LRP1B: variants seen among roughly 807,000 people sequenced by gnomAD.
The protein encoded by LRP1B is low-density lipoprotein receptor-related protein 1B.
A neutral mutation model predicts 556.6 loss-of-function variants in LRP1B; 217 were observed. The observed-to-expected ratio is 0.39, with a 90% CI of 0.35 to 0.44. The LOEUF (loss-of-function observed/expected upper bound fraction) is 0.44. Among genes scored for constraint, LRP1B ranks in the 20% least tolerant of loss-of-function variants. The probability of loss-of-function intolerance (pLI) is 1.00; values close to 1 mark genes in which losing one functional copy is unlikely to be tolerated. For missense variants in LRP1B, 5,053 were observed against 5,620.8 expected (o/e 0.90, Z 3.23); for synonymous variants, 2,047 against 1,865.8 (o/e 1.10, Z -2.50).
rs1686669954 is a variant in LRP1B at position 140,702,198 on chromosome 2, C to A, written c.6245G>T (p.Ser2082Ile). 1 of 1,613,758 alleles carries A rather than the reference C, an allele frequency of 6.2e-7. No individual in the cohort carries two copies. The highest frequency in any genetic ancestry group is 8.5e-7 in the Non-Finnish European group (1 of 1,179,790). ...TGCAACTGAAAACATATCCACATTG[C>A]TTCCTGACAGCACCATCTCGCGATT... ...GGNREMVLSG[S>I]NVDMFSVAVF... The change falls in exon 39 of 91, where the codon AGC (serine) becomes ATC (isoleucine). Residue 2082 changes from serine to isoleucine, a missense_variant. By Grantham distance (142) the Ser-to-Ile change is moderately radical (BLOSUM62 -2). This residue lies in a region of LRP1B where 3,619 missense variants were observed against 3,931.9 expected (regional missense o/e 0.92). Coordinates refer to ENST00000389484, the MANE Select transcript of LRP1B (RefSeq NM_018557.3).
intron 2 of LRP1B, among the ~76,000 whole-genome samples, chr2:141,683,636 A>G (rs985967699): frequency 3.9e-5 from 6 of 152,124 alleles, no homozygotes; most frequent in Non-Finnish European, 7.4e-5. Flanking sequence ...TGCCTATTGT[A>G]AAATGCAAAA....
chr2:140,735,471 C>T (rs1001768421), intron 35 of LRP1B, among the ~76,000 whole-genome samples: 7 of 152,246 alleles, frequency 4.6e-5, no homozygotes, highest in African/African-American at 7.2e-5. Flanking sequence ...AGCAAACAGA[C>T]GCTCTAATTG....
intron 1 of LRP1B, among the ~76,000 whole-genome samples, chr2:141,835,782 A>C (rs1697255948): frequency 6.6e-6 from 1 of 151,562 alleles, no homozygotes; most frequent in African/African-American, 2.4e-5. Flanking sequence ...ACATGGCTAT[A>C]AAGTGGTAAG....
At chr2:141,382,793 G>C (rs768283313) in intron 3 of LRP1B, among the ~76,000 whole-genome samples, 8 of 152,188 alleles carry the variant, frequency 5.3e-5, no homozygotes, top group Non-Finnish European at 1.0e-4. Context: ...TTTGGAGAAA[G>C]CTCTTTGACA....
intron 7 of LRP1B, among the ~76,000 whole-genome samples, chr2:141,096,109 C>T (rs1700292147): frequency 6.6e-6 from 1 of 151,992 alleles, no homozygotes; most frequent in Non-Finnish European, 1.5e-5. Context: ...AGACTTGGAT[C>T]TTGAACGCTA....
At chr2:141,959,359 T>C (rs918591617) in intron 1 of LRP1B, among the ~76,000 whole-genome samples, 2 of 151,982 alleles carry the variant, frequency 1.3e-5, no homozygotes, top group Non-Finnish European at 2.9e-5. Flanking sequence ...AATACTAATA[T>C]TGTCACATAC....
At chr2:141,840,087 T>C (rs1036869551) in intron 1 of LRP1B, among the ~76,000 whole-genome samples, 2 of 152,096 alleles carry the variant, frequency 1.3e-5, no homozygotes, top group Non-Finnish European at 2.9e-5. Context: ...TTTTATTTAA[T>C]GAGTGAATAC....
At chr2:140,271,447 C>G (rs1682456141) in intron 85 of LRP1B, among the ~76,000 whole-genome samples, 1 of 151,870 alleles carries the variant, frequency 6.6e-6, no homozygotes, top group Non-Finnish European at 1.5e-5. Context: ...TAGGGTGATT[C>G]CTAATGATAG....
At chr2:140,697,798 A>G (rs1032655309) in intron 41 of LRP1B, among the ~76,000 whole-genome samples, 50 of 152,052 alleles carry the variant, frequency 3.3e-4, no homozygotes, top group Non-Finnish European at 2.4e-4. Flanking sequence ...ATGGGGAGAT[A>G]TTGCCTTACA....
At chr2:141,351,801 T>C (rs1226626229) in intron 3 of LRP1B, among the ~76,000 whole-genome samples, 1 of 151,822 alleles carries the variant, frequency 6.6e-6, no homozygotes, top group Non-Finnish European at 1.5e-5. Flanking sequence ...ATAGGGATGA[T>C]TAGAAGATGT....
intron 41 of LRP1B, among the ~76,000 whole-genome samples, chr2:140,609,141 C>T (rs906989803): frequency 3.3e-5 from 5 of 152,104 alleles, no homozygotes; most frequent in African/African-American, 9.7e-5. Flanking sequence ...GCATGAACTC[C>T]GCGGTGCCTG....
chr2:140,266,658 G>GT (rs1356178434), intron 86 of LRP1B, among the ~76,000 whole-genome samples: 1 of 151,610 alleles, frequency 6.6e-6, no homozygotes, highest in African/African-American at 2.4e-5. Context: ...TGATTGTGCT[G>GT]TACCCTCTTT....
At chr2:141,899,094 A>G (rs908740108) in intron 1 of LRP1B, among the ~76,000 whole-genome samples, 3 of 152,146 alleles carry the variant, frequency 2.0e-5, no homozygotes, top group African/African-American at 7.2e-5. Flanking sequence ...AACAATATTG[A>G]TGCTAAGTTG....
chr2:141,040,959 A>G (rs1698680451), intron 11 of LRP1B, among the ~76,000 whole-genome samples: 1 of 152,140 alleles, frequency 6.6e-6, no homozygotes, highest in Non-Finnish European at 1.5e-5. Context: ...TCATAATGTC[A>G]TAAAAGAGAA....
At chr2:141,587,100 A>C in intron 2 of LRP1B, among the ~76,000 whole-genome samples, 1 of 152,318 alleles carries the variant, frequency 6.6e-6, no homozygotes, top group Admixed American at 6.5e-5. Flanking sequence ...ATTGGAAAAA[A>C]GTAATGAGAA....
At chr2:140,872,647 G>A (rs778109107) in intron 25 of LRP1B, among the ~76,000 whole-genome samples, 1 of 151,604 alleles carries the variant, frequency 6.6e-6, no homozygotes, top group South Asian at 2.1e-4. Context: ...TGATAGATTT[G>A]TTTAATTTTA....
rs2105059245 is a variant in LRP1B, at chr2:140,323,971, C to T, written c.12436G>A (p.Gly4146Ser). 1 of 1,606,472 alleles carries T rather than the reference C, an allele frequency of 6.2e-7. No individual in the cohort carries two copies. Among genetic ancestry groups the T allele is most frequent in the Non-Finnish European group, 8.5e-7 (1 of 1,173,622 alleles). ...GVFRVQKFGH[G>S]SVEYLALNID... ...TTTAAAGCTAAGTACTCTACTGAAC[C>T]ATGGCCAAATTTTTGAACTCGAAAT... The change falls in exon 81 of 91, where the codon GGT becomes AGT. Residue 4146 changes from glycine (G) to serine (S), a missense_variant. Physicochemically the swap from Gly to Ser is moderately conservative, Grantham distance 56. Around this residue, in one of 5 missense-constraint regions of LRP1B, gnomAD observed 551 missense variants for 592.0 expected, o/e 0.93. Coordinates refer to ENST00000389484, the MANE Select transcript of LRP1B (RefSeq NM_018557.3).
At chr2:140,519,342 C>A (rs1574032451) in intron 49 of LRP1B, among the ~76,000 whole-genome samples, 2 of 152,096 alleles carry the variant, frequency 1.3e-5, no homozygotes, top group East Asian at 3.9e-4. Context: ...ACAAACCTAA[C>A]AAAAACAAGA....
At chr2:141,739,457 T>TA (rs1335164655) in intron 2 of LRP1B, among the ~76,000 whole-genome samples, 4 of 152,034 alleles carry the variant, frequency 2.6e-5, no homozygotes, top group East Asian at 3.9e-4. Flanking sequence ...TATTGTTTTG[T>TA]AAAAAAAGAC....
Sources: gnomAD v4.1 joint callset for allele counts (sites outside exome capture counted in the v4.1 genomes callset) on GRCh38, gnomAD v4.1.1 for gene constraint, gnomAD v4.1.1 regional missense constraint, MANE v1.5 for transcripts, NCBI Gene and HGNC (gene_info 2026-07-23, HGNC 2026-07-21) for gene names.